Variants in TRPM1 observed in about 807,000 individuals in gnomAD.
The protein encoded by TRPM1 is transient receptor potential cation channel subfamily M member 1.
A neutral mutation model predicts 149.4 loss-of-function variants in TRPM1; 113 were observed. The observed-to-expected ratio is 0.76, with a 90% CI of 0.65 to 0.88. The LOEUF (loss-of-function observed/expected upper bound fraction) is 0.88, where lower values mean the gene tolerates loss of function less well. TRPM1 is among the 40% of genes least tolerant of loss of function. The pLI is 0.00. For missense variants in TRPM1, 1,976 were observed against 2,038.7 expected (o/e 0.97, Z 0.59); for synonymous variants, 741 against 759.5 (o/e 0.98, Z 0.40).
chr15:31,116,720 G>A lies in TRPM1; in HGVS notation c.55-39736C>T, dbSNP rs1299670793. Among the ~76,000 whole-genome samples the A allele has an allele frequency of 2.0e-5, 3 of 152,094 alleles. No homozygotes were observed. The East Asian group carries it at 5.8e-4, about 29-fold the overall frequency. Reference sequence around the variant, plus strand: ...AGGGTCACAGCTGAAAAACTGCAAGGCTTAGACTATTTAAGAATTTCCTAG... The same window carrying A: ...AGGGTCACAGCTGAAAAACTGCAAGACTTAGACTATTTAAGAATTTCCTAG... On this transcript the variant is annotated intron_variant, in intron 1 of 26. Transcript: ENST00000542188.
intron 27 of TRPM1, among the ~76,000 whole-genome samples, chr15:31,010,865 T>C (rs2032159481): frequency 1.3e-5 from 2 of 152,232 alleles, no homozygotes; most frequent in African/African-American, 2.4e-5. Context: ...AAGTTGAATA[T>C]TAGAGCCTAC....
chr15:31,093,649 T>A (rs1049186692), intron 1 of TRPM1, among the ~76,000 whole-genome samples: 1 of 152,132 alleles, frequency 6.6e-6, no homozygotes, highest in Non-Finnish European at 1.5e-5. Flanking sequence ...TTGCCCAGGC[T>A]GGAGTGCAGT....
chr15:31,092,559 C>A (rs948335100), intron 1 of TRPM1, among the ~76,000 whole-genome samples: 1 of 152,198 alleles, frequency 6.6e-6, no homozygotes. Flanking sequence ...TGCTTTTGAG[C>A]CTTCCCCTTT....
In TRPM1 at chr15:31,061,447, A is replaced by G; in HGVS notation, c.1157T>C (p.Leu386Pro). Residue 386 changes from leucine (L) to proline (P), a missense_variant, in exon 10 of 28, where the codon CTG becomes CCG. Coordinates refer to ENST00000256552, the MANE Select transcript of TRPM1 (RefSeq NM_001252024.2). Reference protein sequence around the residue: ...DIEMAILTALLKGTNVSAPDQ... With the variant: ...DIEMAILTALPKGTNVSAPDQ... ...ACCATTTCCTGAGAGCTCACCTTTC[A>G]GCAGGGCAGTTAAAATTGCCATCTC... 1 of 1,613,994 alleles carries G rather than the reference A, an allele frequency of 6.2e-7. No homozygotes were observed.
At chr15:31,134,407 G>C (rs545775951) in intron 1 of TRPM1, among the ~76,000 whole-genome samples, 3 of 152,258 alleles carry the variant, frequency 2.0e-5, no homozygotes, top group African/African-American at 7.2e-5. Context: ...GGAAAGCTTT[G>C]AAAAACACCA....
At position 31,063,129 on chromosome 15, in the gene TRPM1, A is replaced by G; in HGVS notation, c.954T>C (p.Cys318=). ...GTCAGAAATCCTACCCGCCTTCTTC[A>G]CAGTACTTGTGCGCAAAGGACAGGA... is the stretch of plus-strand genomic sequence containing the variant. ...SDILSFAHKY[C]EEGGIINESL... Residue 318 remains cysteine (C), a synonymous_variant, in exon 8 of 28, where the codon TGT becomes TGC. Transcript: ENST00000256552. 6.2e-7 allele frequency: 1 copy of G among 1,614,190 alleles called. No individual in the cohort carries two copies. The highest frequency in any genetic ancestry group is 8.5e-7 in the Non-Finnish European group (1 of 1,180,042).
At chr15:31,137,002 G>T (rs2036098202) in intron 1 of TRPM1, among the ~76,000 whole-genome samples, 1 of 152,106 alleles carries the variant, frequency 6.6e-6, no homozygotes, top group African/African-American at 2.4e-5. Flanking sequence ...TCTACCTTTT[G>T]GGGAGGTCCC....
chr15:31,066,679 G>C (rs1346295686), intron 6 of TRPM1, among the ~76,000 whole-genome samples: 1 of 152,068 alleles, frequency 6.6e-6, no homozygotes, highest in Non-Finnish European at 1.5e-5. Flanking sequence ...ACTATGTGGA[G>C]TGAAAAAAAA....
intron 27 of TRPM1, among the ~76,000 whole-genome samples, chr15:31,019,760 C>T (rs951022214): frequency 4.6e-5 from 7 of 152,102 alleles, no homozygotes; most frequent in Non-Finnish European, 5.9e-5. Flanking sequence ...TGGTCTTGAA[C>T]GCCTGACCTC....
At chr15:31,125,553 A>C (rs2035936952) in intron 1 of TRPM1, among the ~76,000 whole-genome samples, 1 of 149,428 alleles carries the variant, frequency 6.7e-6, no homozygotes, top group Admixed American at 6.7e-5. Context: ...AAACGGTGAA[A>C]CCTCGTCTCT....
At chr15:31,157,881 G>A (rs779435196) in intron 1 of TRPM1, among the ~76,000 whole-genome samples, 1 of 152,180 alleles carries the variant, frequency 6.6e-6, no homozygotes, top group Non-Finnish European at 1.5e-5. Context: ...GTTTGTGTTT[G>A]TTTTTCCCAC....
rs1354978500 is a variant in TRPM1, at chr15:31,066,349, C to G, written c.619-102G>C. 5.5e-6 allele frequency: 7 copies of G among 1,270,156 alleles called. No individual in the cohort carries two copies. In the African/African-American group the frequency reaches 1.0e-4, roughly 19 times the overall value. 78.7% of individuals were successfully genotyped at this position (1,270,156 alleles called of 1,614,324 possible). On this transcript the variant is annotated intron_variant, in intron 6 of 27. Coordinates refer to ENST00000256552, the MANE Select transcript of TRPM1 (RefSeq NM_001252024.2). ...TATGTGTGGAGTGACTGCACTAAAA[C>G]TTATTCTCACATCTCTACCCTGCCT...
rs1444149678 is a variant in TRPM1 at position 31,107,784 on chromosome 15, CT to C, written c.55-30801del. 9.2e-5 allele frequency among the ~76,000 whole-genome samples: 14 copies of C among 151,352 alleles called. No individual in the cohort carries two copies. The East Asian group carries it at 2.7e-3, about 29-fold the overall frequency. ...AGATATTTTATAACTTTTCTTGTGA[CT>C]TTTTTAGCCCACTGGTTACTTAGAA... On this transcript the variant is annotated intron_variant, in intron 1 of 26. Coordinates refer to the TRPM1 transcript ENST00000542188.
chr15:31,061,691 GT>G (rs372758777), intron 9 of TRPM1, among the ~76,000 whole-genome samples, 177 bp from the exon 10 acceptor site: 5 of 145,722 alleles, frequency 3.4e-5, no homozygotes, highest in African/African-American at 5.0e-5. Flanking sequence ...TTTTCTTTTT[GT>G]TTTTTTTTTG....
rs770839999 is a variant in TRPM1 at position 31,040,332 on chromosome 15, A to T, written c.2102T>A (p.Leu701His). The T allele has an allele frequency of 6.2e-7, 1 of 1,614,200 alleles. No homozygotes were observed. The highest frequency in any genetic ancestry group is 2.2e-5 in the East Asian group (1 of 44,882). ...GGACTGGTCTAATAACTCCAAAGCAAGCTGGCCGAAGTCTCTGGGGGGAAA... is the reference window on the plus strand; with the variant it reads ...GGACTGGTCTAATAACTCCAAAGCATGCTGGCCGAAGTCTCTGGGGGGAAA... ...LDNNSKDFGQLALELLDQSYK... is the reference protein window; with the variant it reads ...LDNNSKDFGQHALELLDQSYK... The change falls in exon 18 of 28, where the codon CTT (leucine) becomes CAT (histidine). Residue 701 changes from leucine to histidine, a missense_variant. Leu to His is a moderately conservative substitution (Grantham distance 99, BLOSUM62 -3). This residue lies in a region of TRPM1 where 1,332 missense variants were observed against 1,347.1 expected (regional missense o/e 0.99). Transcript: ENST00000256552. The surrounding 1 kb of genome is among the most constrained non-coding windows in gnomAD (Gnocchi z 4.2).
Position 31,049,786 on chromosome 15 carries a change from C to T in TRPM1, c.1438-277G>A, listed in dbSNP as rs1381055785. Among the ~76,000 whole-genome samples the T allele has an allele frequency of 3.3e-5, 5 of 152,218 alleles. No homozygotes were observed. The East Asian group carries it at 7.7e-4, about 23-fold the overall frequency. On this transcript the variant is annotated intron_variant, in intron 12 of 27. Coordinates refer to ENST00000256552, the MANE Select transcript of TRPM1 (RefSeq NM_001252024.2). The stretch of plus-strand genomic sequence containing the variant: ...AAAATCTCAGCCCTCCTGGCATTGG[C>T]CTGCCCAGTCTCCACCATTTGTTTC...
intron 20 of TRPM1, among the ~76,000 whole-genome samples, chr15:31,036,967 C>T (rs28480303): frequency 0.24 from 36,586 of 152,244 alleles, 4,550 homozygotes; most frequent in African/African-American, 0.26. Context: ...AACCACAGCA[C>T]CGAGGCCTGC....
intron 5 of TRPM1, among the ~76,000 whole-genome samples, chr15:31,067,589 G>A (rs866562888): frequency 2.6e-5 from 4 of 152,100 alleles, no homozygotes; most frequent in Non-Finnish European, 2.9e-5. Context: ...ATTGTCGAGA[G>A]GTCTAATGAA....
Position 31,047,951 on chromosome 15 carries a change from G to A in TRPM1, c.1573-12C>T, listed in dbSNP as rs745993929. On this transcript the variant is annotated splice_polypyrimidine_tract_variant and intron_variant, in intron 13 of 27. Coordinates refer to ENST00000256552, the MANE Select transcript of TRPM1 (RefSeq NM_001252024.2). ...GGTGGACCCAGTCTCTGAAAGAGAA[G>A]CATTCATGTGTGTTAAATATGTTTT... 2 of 1,612,762 alleles carry A rather than the reference G, an allele frequency of 1.2e-6. No individual in the cohort carries two copies.
Sources: allele counts gnomAD v4.1 joint callset (sites outside exome capture counted in the v4.1 genomes callset), GRCh38; gene constraint gnomAD v4.1.1; regional missense constraint gnomAD v4.1.1; non-coding constraint Gnocchi (gnomAD v3.1); transcripts MANE v1.5; gene names NCBI Gene and HGNC (gene_info 2026-07-23, HGNC 2026-07-21).